Variants in KIT observed in about 807,000 individuals in gnomAD.
KIT encodes the protein KIT proto-oncogene, receptor tyrosine kinase.
Under a neutral mutation model 105.7 loss-of-function variants are expected in KIT, and 16 were observed. The observed-to-expected ratio is 0.15, with a 90% CI of 0.10 to 0.23. The LOEUF (loss-of-function observed/expected upper bound fraction) is 0.23, where lower values mean the gene tolerates loss of function less well. KIT is among the 10% of genes least tolerant of loss of function. The pLI, the probability that KIT is intolerant of heterozygous loss-of-function variation, is 1.00. For synonymous variants in KIT, 438 were observed against 441.1 expected, an observed-to-expected ratio of 0.99 and a Z score of 0.09; for missense variants, 858 against 1,213.8, an observed-to-expected ratio of 0.71 and a Z score of 4.36.
Position 54,739,020 on chromosome 4 carries a change from C to A in KIT, c.*463C>A, listed in dbSNP as rs933760580. 5.5e-5 allele frequency: 26 copies of A among 471,362 alleles called. No homozygotes were observed. Among genetic ancestry groups the A allele is most frequent in the Admixed American group, 1.9e-4 (5 of 26,644 alleles). 29.2% of individuals were successfully genotyped at this position (471,362 alleles called of 1,614,324 possible). On this transcript the variant is annotated 3_prime_UTR_variant, in exon 21 of 21. Coordinates refer to ENST00000288135, the MANE Select transcript of KIT (RefSeq NM_000222.3). ...AACAGAACATCATTAGAACAAAGGACAGAGTATGAACACCTGGGCTTAAGA... is the reference window on the plus strand; with the variant it reads ...AACAGAACATCATTAGAACAAAGGAAAGAGTATGAACACCTGGGCTTAAGA...
At chr4:54,682,335 G>A (rs968275225) in intron 1 of KIT, among the ~76,000 whole-genome samples, 10 of 151,966 alleles carry the variant, frequency 6.6e-5, no homozygotes, top group African/African-American at 1.9e-4. Context: ...CAATCCTCCC[G>A]CCTTGACCTC....
chr4:54,664,768 G>A (rs746803682), intron 1 of KIT, among the ~76,000 whole-genome samples: 4 of 151,504 alleles, frequency 2.6e-5, no homozygotes, highest in African/African-American at 9.7e-5. Flanking sequence ...CCACCACACC[G>A]GCTAATTTTT....
At chr4:54,703,386 A>G (rs895065589) in intron 4 of KIT, among the ~76,000 whole-genome samples, 2 of 152,218 alleles carry the variant, frequency 1.3e-5, no homozygotes, top group Non-Finnish European at 2.9e-5. Context: ...ATGCTGACTC[A>G]TATTACAAAA....
chr4:54,661,776 AG>A (rs1332873711), intron 1 of KIT, among the ~76,000 whole-genome samples: 1 of 152,244 alleles, frequency 6.6e-6, no homozygotes, highest in Non-Finnish European at 1.5e-5. Context: ...AGGAGGTAAA[AG>A]TTTGCCTGGA....
chr4:54,723,389 A>G (rs1722011748), intron 7 of KIT, among the ~76,000 whole-genome samples, 195 bp from the exon 8 acceptor site: 1 of 152,116 alleles, frequency 6.6e-6, no homozygotes, highest in South Asian at 2.1e-4. Flanking sequence ...GTGGCTGGGA[A>G]AGCCTTTCTG....
intron 7 of KIT, among the ~76,000 whole-genome samples, chr4:54,715,144 A>G (rs1721398074): frequency 1.3e-5 from 2 of 152,204 alleles, no homozygotes; most frequent in Non-Finnish European, 2.9e-5. Context: ...CCAAAGCAAT[A>G]AATCACCCAG....
intron 1 of KIT, among the ~76,000 whole-genome samples, chr4:54,671,425 G>T (rs527286413): frequency 3.3e-5 from 5 of 152,272 alleles, no homozygotes; most frequent in Non-Finnish European, 7.4e-5. Context: ...GTATTAAGGA[G>T]GAATCTTGAG....
At chr4:54,674,314 C>G (rs1001564504) in intron 1 of KIT, among the ~76,000 whole-genome samples, 2 of 152,196 alleles carry the variant, frequency 1.3e-5, no homozygotes, top group African/African-American at 4.8e-5. Flanking sequence ...ATTGGACATA[C>G]AGGTGGCACA....
chr4:54,739,729 G>A lies in KIT; in HGVS notation c.*1172G>A. ...GTATTTTTGCCCTGAGTCCAAGAGG[G>A]TCCTTTAGTACCTGAAAAGTAACTT... On this transcript the variant is annotated 3_prime_UTR_variant, in exon 21 of 21. Transcript: ENST00000288135. 1 of 233,588 alleles carries A rather than the reference G, an allele frequency of 4.3e-6. No individual in the cohort carries two copies. The highest frequency in any genetic ancestry group is 8.5e-6 in the Non-Finnish European group (1 of 117,954). The allele number at this position is 233,588 out of a possible 1,614,324, so 14.5% of individuals were successfully genotyped here.
At chr4:54,716,450 A>G (rs1721503059) in intron 7 of KIT, among the ~76,000 whole-genome samples, 1 of 152,138 alleles carries the variant, frequency 6.6e-6, no homozygotes, top group South Asian at 2.1e-4. Context: ...TTTACTTTTT[A>G]TGTTTATTTA....
chr4:54,695,472 A>T (rs1188411994), intron 1 of KIT, 40 bp from the exon 2 acceptor site: 1 of 1,612,110 alleles, frequency 6.2e-7, no homozygotes, highest in East Asian at 2.2e-5. Flanking sequence ...TTCGCCAAGG[A>T]AGAAGATCAT....
intron 11 of KIT, 87 bp from the exon 12 acceptor site, chr4:54,727,736 C>G (rs532718067): frequency 2.3e-5 from 30 of 1,318,290 alleles, no homozygotes; most frequent in Non-Finnish European, 2.6e-5. Context: ...TTTTTAATTC[C>G]TTTATTGATT....
chr4:54,702,062 C>T (rs541580227), intron 4 of KIT, among the ~76,000 whole-genome samples: 24 of 152,238 alleles, frequency 1.6e-4, no homozygotes, highest in African/African-American at 5.8e-4. Context: ...GATTAGTTAA[C>T]AGCAAAGCAG....
At chr4:54,713,260 C>G (rs1025782516) in intron 7 of KIT, among the ~76,000 whole-genome samples, 2 of 152,018 alleles carry the variant, frequency 1.3e-5, no homozygotes, top group African/African-American at 4.8e-5. Flanking sequence ...CCCTCACCCC[C>G]CTCCCACCCT....
At chr4:54,734,542 T>TA (rs1309826210) in intron 17 of KIT, among the ~76,000 whole-genome samples, 1 of 152,148 alleles carries the variant, frequency 6.6e-6, no homozygotes, top group East Asian at 1.9e-4. Flanking sequence ...CAAAGAGGGG[T>TA]TGGCTCTATC....
intron 17 of KIT, 84 bp downstream of exon 17, chr4:54,733,276 T>A (rs1407637504): frequency 2.8e-6 from 4 of 1,450,988 alleles, no homozygotes; most frequent in Non-Finnish European, 3.8e-6. Flanking sequence ...GTGATTTTCA[T>A]AATGTAAATC....
chr4:54,687,878 T>C (rs939344302), intron 1 of KIT, among the ~76,000 whole-genome samples: 2 of 152,196 alleles, frequency 1.3e-5, no homozygotes, highest in African/African-American at 4.8e-5. Flanking sequence ...CTTGATGTTT[T>C]ATTTCATTAG....
intron 19 of KIT, 97 bp from the exon 20 acceptor site, chr4:54,737,077 AT>A: frequency 2.5e-6 from 2 of 814,008 alleles, no homozygotes; most frequent in Non-Finnish European, 4.3e-6. Context: ...GTCCAGTTGC[AT>A]AGCCCTGGAA....
chr4:54,658,851 A>T (rs976845504), intron 1 of KIT, among the ~76,000 whole-genome samples: 1 of 152,062 alleles, frequency 6.6e-6, no homozygotes, highest in Non-Finnish European at 1.5e-5. Flanking sequence ...GCTTTCGTAC[A>T]TCCCGTGCTC....
Sources: allele counts gnomAD v4.1 joint callset (sites outside exome capture counted in the v4.1 genomes callset), GRCh38; gene constraint gnomAD v4.1.1; transcripts MANE v1.5; gene names NCBI Gene and HGNC (gene_info 2026-07-23, HGNC 2026-07-21).